The following NXPE4 variants were observed in gnomAD, a reference collection of about 807,000 sequenced individuals.
NXPE4 encodes neurexophilin and PC-esterase domain family member 4.
A neutral mutation model predicts 33.3 loss-of-function variants in NXPE4; 42 were observed. The ratio of observed to expected loss-of-function variants is 1.26; its 90% CI spans 0.98 to 1.63. The LOEUF (loss-of-function observed/expected upper bound fraction) is 1.63. NXPE4 is among the 40% of genes most tolerant of loss of function. The pLI, the probability that NXPE4 is intolerant of heterozygous loss-of-function variation, is 0.00. For missense variants in NXPE4, 709 were observed against 647.6 expected, an observed-to-expected ratio of 1.09 and a Z score of -1.03; for synonymous variants, 253 against 234.9, an observed-to-expected ratio of 1.08 and a Z score of -0.71.
the NXPE4 span, among the ~76,000 whole-genome samples, chr11:114,631,866 G>A: frequency 6.6e-6 from 1 of 151,104 alleles, no homozygotes; most frequent in Non-Finnish European, 1.5e-5. Context: ...TGTGTCGTGG[G>A]TAACCGCTGT....
intron 5 of NXPE4, among the ~76,000 whole-genome samples, chr11:114,578,632 G>A (rs1356942182): frequency 5.3e-5 from 8 of 152,162 alleles, no homozygotes; most frequent in African/African-American, 9.7e-5. Context: ...GAGATCATGA[G>A]TGGCCTCATT....
At chr11:114,589,139 G>C (rs748305247) in intron 2 of NXPE4, among the ~76,000 whole-genome samples, 1 of 152,116 alleles carries the variant, frequency 6.6e-6, no homozygotes. Flanking sequence ...CAGGAAGCAA[G>C]AAGAAGCCAC....
the NXPE4 span, among the ~76,000 whole-genome samples, chr11:114,601,349 T>C: frequency 6.8e-6 from 1 of 147,266 alleles, no homozygotes; most frequent in African/African-American, 2.5e-5. Context: ...TGGTATTTGG[T>C]TTTCATTCCT....
chr11:114,580,432 G>GATAGAA, intron 4 of NXPE4, 94 bp from the exon 5 acceptor site: 1 of 997,024 alleles, frequency 1.0e-6, no homozygotes, highest in Non-Finnish European at 1.5e-6. Flanking sequence ...ATCCTAAGAG[G>GATAGAA]GGGTAAGGTG....
upstream of NXPE4, among the ~76,000 whole-genome samples, chr11:114,599,916 C>A (rs1356293349): frequency 2.0e-5 from 3 of 151,910 alleles, no homozygotes; most frequent in Non-Finnish European, 4.4e-5. Flanking sequence ...GAATATAACC[C>A]ATGGAATTAA....
the NXPE4 span, among the ~76,000 whole-genome samples, chr11:114,613,625 C>T: frequency 6.6e-6 from 1 of 151,936 alleles, no homozygotes; most frequent in South Asian, 2.1e-4. Flanking sequence ...ACCACTGTTA[C>T]ACACTGGATA....
the NXPE4 span, among the ~76,000 whole-genome samples, chr11:114,646,170 A>G: frequency 1.3e-5 from 2 of 152,014 alleles, no homozygotes; most frequent in South Asian, 4.1e-4. Flanking sequence ...TCATTTCTAT[A>G]TCTTAAACTA....
chr11:114,620,626 T>C, the NXPE4 span, among the ~76,000 whole-genome samples: 3 of 151,942 alleles, frequency 2.0e-5, no homozygotes, highest in African/African-American at 7.3e-5. Flanking sequence ...ATAATAAGTG[T>C]TGCCTCTAGA....
the NXPE4 span, among the ~76,000 whole-genome samples, chr11:114,640,615 T>C: frequency 6.6e-6 from 1 of 151,914 alleles, no homozygotes; most frequent in Non-Finnish European, 1.5e-5. Context: ...TTCACGAACA[T>C]CTGTTGGTTT....
the NXPE4 span, among the ~76,000 whole-genome samples, chr11:114,632,090 G>C: frequency 3.0e-4 from 42 of 142,266 alleles, no homozygotes; most frequent in Non-Finnish European, 5.3e-4. Context: ...TTATTATATT[G>C]TAAATATAAT....
intron 5 of NXPE4, among the ~76,000 whole-genome samples, chr11:114,579,600 G>T (rs1949089615): frequency 6.6e-6 from 1 of 152,172 alleles, no homozygotes; most frequent in Non-Finnish European, 1.5e-5. Flanking sequence ...ACACCAAAGA[G>T]AAGTTATGTA....
chr11:114,582,877 G>A lies in NXPE4; in HGVS notation c.241C>T (p.Gln81Ter). 4 of 1,614,170 alleles carry A rather than the reference G, an allele frequency of 2.5e-6. No homozygotes were observed. Among genetic ancestry groups the A allele is most frequent in the Non-Finnish European group, 3.4e-6 (4 of 1,180,020 alleles). The change falls in exon 3 of 6, where the codon CAG becomes TAG. Residue 81 changes from glutamine (Q) to a stop codon, truncating the protein, a stop_gained. Coordinates refer to ENST00000375478, the MANE Select transcript of NXPE4 (RefSeq NM_001077639.2). LOFTEE classifies it high-confidence loss of function. ...RIKEIIEKLD[Q>*]QIPPRPFTHV... Reference sequence around the variant, plus strand: ...GTGAAAGGTCTGGGTGGGATCTGCTGATCTAGTTTCTCTATGATTTCCTTT... The same window carrying A: ...GTGAAAGGTCTGGGTGGGATCTGCTAATCTAGTTTCTCTATGATTTCCTTT...
the NXPE4 span, among the ~76,000 whole-genome samples, chr11:114,601,791 G>GATTATATATTATATAATTATATATA: frequency 1.5e-5 from 1 of 67,544 alleles, no homozygotes; most frequent in Admixed American, 2.8e-4. Flanking sequence ...TATAACATGT[G>GATTATATATTATATAATTATATATA]ATATATGATT....
chr11:114,637,959 G>A, the NXPE4 span, among the ~76,000 whole-genome samples: 38 of 151,696 alleles, frequency 2.5e-4, no homozygotes, highest in Non-Finnish European at 4.4e-4. Context: ...TGCTCTTCTC[G>A]AGGAGTATCT....
At chr11:114,669,294 A>G in the NXPE4 span, among the ~76,000 whole-genome samples, 1 of 152,124 alleles carries the variant, frequency 6.6e-6, no homozygotes, top group African/African-American at 2.4e-5. Context: ...AGAATGGAAA[A>G]AGACTGGAAA....
At chr11:114,592,946 A>T (rs1005989556) in intron 2 of NXPE4, among the ~76,000 whole-genome samples, 19 of 152,294 alleles carry the variant, frequency 1.2e-4, no homozygotes, top group Non-Finnish European at 2.6e-4. Flanking sequence ...TTTAAAATAG[A>T]TGGTGCTGGA....
Position 114,571,037 on chromosome 11 carries a change from A to G in NXPE4, c.1536T>C (p.Asp512=), listed in dbSNP as rs181098587. The G allele has an allele frequency of 5.6e-5, 91 of 1,613,574 alleles. No individual in the cohort carries two copies. Among genetic ancestry groups the G allele is most frequent in the Admixed American group, 8.3e-5 (5 of 59,994 alleles). The change falls in exon 6 of 6, where the codon GAT becomes GAC. Residue 512 remains aspartate (D), a synonymous_variant. Coordinates refer to ENST00000375478, the MANE Select transcript of NXPE4 (RefSeq NM_001077639.2). ...IFQDLSVSII[D]AWDITIAYGT... ...CATATGCAATTGTTATATCCCAGGCATCAATGATACTCACACTGAGATCCT... is the reference window on the plus strand; with the variant it reads ...CATATGCAATTGTTATATCCCAGGCGTCAATGATACTCACACTGAGATCCT...
At chr11:114,580,841 A>C (rs1462396131) in intron 4 of NXPE4, among the ~76,000 whole-genome samples, 1 of 152,194 alleles carries the variant, frequency 6.6e-6, no homozygotes, top group African/African-American at 2.4e-5. Flanking sequence ...TATAGGCTGG[A>C]GAGTGTCTTA....
the NXPE4 span, among the ~76,000 whole-genome samples, chr11:114,640,662 G>C: frequency 6.6e-6 from 1 of 152,054 alleles, no homozygotes; most frequent in African/African-American, 2.4e-5. Context: ...ACTAGGGTAA[G>C]GTGGTATCTC....
Sources: allele counts gnomAD v4.1 joint callset (sites outside exome capture counted in the v4.1 genomes callset), GRCh38; gene constraint gnomAD v4.1.1; transcripts MANE v1.5; gene names NCBI Gene and HGNC (gene_info 2026-07-23, HGNC 2026-07-21).